RBFOX1: variants seen among roughly 807,000 people sequenced by gnomAD.
RBFOX1 encodes the protein RNA binding fox-1 homolog 1.
Under a neutral mutation model 57.7 loss-of-function variants are expected in RBFOX1, and 8 were observed. The observed-to-expected ratio is 0.14, with a 90% CI of 0.08 to 0.25. The LOEUF (loss-of-function observed/expected upper bound fraction) is 0.25, where lower values mean the gene tolerates loss of function less well. RBFOX1 is among the 10% of genes least tolerant of loss of function. The probability of loss-of-function intolerance (pLI) is 1.00; values close to 1 mark genes in which losing one functional copy is unlikely to be tolerated. For synonymous variants in RBFOX1, 326 were observed against 222.4 expected (o/e 1.47, Z -4.15); for missense variants, 611 against 548.5 (o/e 1.11, Z -1.14).
chr16:6,052,804 T>TATTATA (rs1555488785), intron 1 of RBFOX1, among the ~76,000 whole-genome samples: 1 of 144,238 alleles, frequency 6.9e-6, no homozygotes. Flanking sequence ...TAAAATAAAA[T>TATTATA]ATAATAATAA....
At chr16:5,504,098 C>T (rs1026964661) in intron 2 of RBFOX1, among the ~76,000 whole-genome samples, 43 of 152,142 alleles carry the variant, frequency 2.8e-4, no homozygotes, top group Non-Finnish European at 4.9e-4. Flanking sequence ...TGGCTGGGGG[C>T]GGAGGGAACT....
chr16:5,709,790 G>T (rs565294738), intron 3 of RBFOX1, among the ~76,000 whole-genome samples: 3 of 96,720 alleles, frequency 3.1e-5, no homozygotes, highest in Admixed American at 1.2e-4. Context: ...GTAATCTACT[G>T]GGTGTTGTAT....
At chr16:6,842,668 TTTTAC>T (rs947603818) in intron 3 of RBFOX1, among the ~76,000 whole-genome samples, 8 of 141,366 alleles carry the variant, frequency 5.7e-5, no homozygotes, top group South Asian at 2.3e-4. Flanking sequence ...TTTTTTTTAA[TTTTAC>T]TTCAAGTTCT....
intron 3 of RBFOX1, among the ~76,000 whole-genome samples, chr16:5,826,554 G>A (rs2056062993): frequency 6.6e-6 from 1 of 152,324 alleles, no homozygotes; most frequent in Non-Finnish European, 1.5e-5. Flanking sequence ...AAACAAATGG[G>A]TGTGGTTGTG....
rs11647446 is a variant in RBFOX1 at position 7,509,771 on chromosome 16, G to C, written c.28-8376G>C. Among the ~76,000 whole-genome samples, 187 of 151,990 alleles carry C rather than the reference G, an allele frequency of 1.2e-3. 1 individual carries two copies. The highest frequency in any genetic ancestry group is 4.4e-3 in the African/African-American group (184 of 41,432). ...TTTAAACTTTTTTCATCCATCCTCT[G>C]TCTCTTCCCTTTTATCCCTGAATGT... On this transcript the variant is annotated intron_variant, in intron 4 of 15. Transcript: ENST00000550418.
intron 4 of RBFOX1, chr16:7,333,170 A>T (rs984485348): frequency 1.4e-5 from 19 of 1,332,854 alleles, no homozygotes; most frequent in Non-Finnish European, 2.0e-5. Flanking sequence ...TTGAGAAAGC[A>T]AACACTTTTA....
chr16:7,653,710 C>T, intron 11 of RBFOX1, 105 bp from the exon 12 acceptor site: 1 of 1,517,802 alleles, frequency 6.6e-7, no homozygotes, highest in South Asian at 1.2e-5. Flanking sequence ...GGGGGTCCTG[C>T]TGGGACCCTG....
chr16:5,306,820 A>G (rs919322071), intron 1 of RBFOX1, among the ~76,000 whole-genome samples: 1 of 152,178 alleles, frequency 6.6e-6, no homozygotes, highest in Non-Finnish European at 1.5e-5. Flanking sequence ...AAAGCATCAC[A>G]TCACAGCTGG....
intron 2 of RBFOX1, among the ~76,000 whole-genome samples, chr16:5,581,640 A>G (rs1344396649): frequency 6.6e-6 from 1 of 152,202 alleles, no homozygotes; most frequent in Non-Finnish European, 1.5e-5. Flanking sequence ...CTGGACTTTG[A>G]CATGAAGGAT....
chr16:6,302,028 T>C (rs544431893), intron 1 of RBFOX1, among the ~76,000 whole-genome samples: 19 of 152,158 alleles, frequency 1.2e-4, no homozygotes, highest in African/African-American at 4.1e-4. Context: ...TTCTTACCAC[T>C]ATATGTTACT....
intron 4 of RBFOX1, among the ~76,000 whole-genome samples, chr16:5,881,946 G>C (rs1169049883): frequency 5.3e-5 from 8 of 152,170 alleles, no homozygotes; most frequent in African/African-American, 1.9e-4. Context: ...AGTAATAGTA[G>C]CAGCTACGAC....
chr16:5,242,970 A>G (rs2062204577), intron 1 of RBFOX1, among the ~76,000 whole-genome samples: 1 of 112,606 alleles, frequency 8.9e-6, no homozygotes. Context: ...GCATGTGATT[A>G]TGGTGGGGAC....
intron 2 of RBFOX1, among the ~76,000 whole-genome samples, chr16:5,491,964 A>C (rs555200826): frequency 6.6e-6 from 1 of 152,336 alleles, no homozygotes; most frequent in South Asian, 2.1e-4. Context: ...TGGTATTTTT[A>C]AAGCCTCTGC....
chr16:6,279,872 A>G (rs2076197219), intron 1 of RBFOX1, among the ~76,000 whole-genome samples: 1 of 152,082 alleles, frequency 6.6e-6, no homozygotes, highest in South Asian at 2.1e-4. Context: ...GGAGATTCAT[A>G]ATAGCTTGGT....
At chr16:7,085,617 G>A (rs1167164068) in intron 4 of RBFOX1, among the ~76,000 whole-genome samples, 1 of 152,078 alleles carries the variant, frequency 6.6e-6, no homozygotes, top group African/African-American at 2.4e-5. Context: ...AGAGTAGGGT[G>A]CTTAGTTATT....
At chr16:7,151,882 C>A (rs550241055) in intron 4 of RBFOX1, among the ~76,000 whole-genome samples, 1 of 152,116 alleles carries the variant, frequency 6.6e-6, no homozygotes. Context: ...GAATGTAATG[C>A]TGCTGCCGAT....
intron 7 of RBFOX1, among the ~76,000 whole-genome samples, 165 bp downstream of exon 7, chr16:7,587,465 C>A (rs1014004755): frequency 6.6e-6 from 1 of 152,072 alleles, no homozygotes; most frequent in African/African-American, 2.4e-5. Context: ...GGAAAGACAT[C>A]GGGTTCAGTT....
At chr16:5,247,410 G>T (rs377510895) in intron 1 of RBFOX1, among the ~76,000 whole-genome samples, 2 of 152,200 alleles carry the variant, frequency 1.3e-5, no homozygotes, top group South Asian at 2.1e-4. Context: ...GGCAAAGGAT[G>T]GTGCTGCTGG....
At chr16:7,534,217 G>C (rs939556480) in intron 5 of RBFOX1, among the ~76,000 whole-genome samples, 1 of 150,960 alleles carries the variant, frequency 6.6e-6, no homozygotes, top group Admixed American at 6.6e-5. Flanking sequence ...CTCCTGAATA[G>C]CTGGGATTAC....
Sources: allele counts gnomAD v4.1 joint callset (sites outside exome capture counted in the v4.1 genomes callset), GRCh38; gene constraint gnomAD v4.1.1; transcripts MANE v1.5; gene names NCBI Gene and HGNC (gene_info 2026-07-23, HGNC 2026-07-21).